Variants in RBFOX1 observed in about 807,000 individuals in gnomAD.
The protein encoded by RBFOX1 is RNA binding protein fox-1 homolog 1.
A neutral mutation model predicts 57.7 loss-of-function variants in RBFOX1; 8 were observed. That is an observed-to-expected ratio of 0.14 (90% CI 0.08 to 0.25). The LOEUF (loss-of-function observed/expected upper bound fraction) is 0.25, where lower values mean the gene tolerates loss of function less well. Ranked by LOEUF, RBFOX1 falls within the 10% of genes least tolerant of loss-of-function variation. The pLI is 1.00. For missense variants in RBFOX1, 611 were observed against 548.5 expected, an observed-to-expected ratio of 1.11 and a Z score of -1.14; for synonymous variants, 326 against 222.4, an observed-to-expected ratio of 1.47 and a Z score of -4.15.
At chr16:6,125,038 A>ATGACATCACCT (rs1338938465) in intron 1 of RBFOX1, among the ~76,000 whole-genome samples, 2 of 152,084 alleles carry the variant, frequency 1.3e-5, no homozygotes, top group African/African-American at 4.8e-5. Context: ...GGGCTGCTGA[A>ATGACATCACCT]TGACATCACC....
At chr16:7,216,663 A>T (rs1258625287) in intron 4 of RBFOX1, among the ~76,000 whole-genome samples, 1 of 133,704 alleles carries the variant, frequency 7.5e-6, no homozygotes, top group Non-Finnish European at 1.7e-5. Context: ...GTCAAAATAA[A>T]ATAAAAATTA....
Position 6,911,295 on chromosome 16 carries a change from G to T in RBFOX1, c.-15-140762G>T, listed in dbSNP as rs575504989. Among the ~76,000 whole-genome samples, 8 of 152,130 alleles carry T rather than the reference G, an allele frequency of 5.3e-5. No homozygotes were observed. The East Asian group carries it at 5.8e-4, about 11-fold the overall frequency. On this transcript the variant is annotated intron_variant, in intron 3 of 15. Coordinates refer to ENST00000550418, the MANE Select transcript of RBFOX1 (RefSeq NM_018723.4). Reference sequence around the variant, plus strand: ...ATAACAAAGTTCCACAAACTAGGAGGCTTCGGCAACAGAAATGTTTTGCCT... The same window carrying T: ...ATAACAAAGTTCCACAAACTAGGAGTCTTCGGCAACAGAAATGTTTTGCCT...
chr16:5,918,094 T>G (rs973388822), intron 4 of RBFOX1, among the ~76,000 whole-genome samples: 1 of 152,190 alleles, frequency 6.6e-6, no homozygotes, highest in African/African-American at 2.4e-5. Flanking sequence ...GCAGTTCTCT[T>G]AACACAACTG....
At chr16:7,292,306 T>A (rs1351320882) in intron 4 of RBFOX1, among the ~76,000 whole-genome samples, 1 of 128,368 alleles carries the variant, frequency 7.8e-6, no homozygotes, top group East Asian at 2.2e-4. Context: ...ATATATGATA[T>A]ATGACGTATT....
At chr16:7,433,610 C>T (rs1023908926) in intron 4 of RBFOX1, among the ~76,000 whole-genome samples, 3 of 152,164 alleles carry the variant, frequency 2.0e-5, no homozygotes, top group South Asian at 4.1e-4. Context: ...ACTGACTTCA[C>T]GTGTTTGAAG....
intron 2 of RBFOX1, among the ~76,000 whole-genome samples, chr16:5,493,172 A>T (rs1023828789): frequency 2.0e-5 from 3 of 152,226 alleles, no homozygotes; most frequent in Non-Finnish European, 4.4e-5. Flanking sequence ...TGAAACTCAG[A>T]TCCCGAAGAC....
At chr16:7,190,753 C>T (rs1046019317) in intron 4 of RBFOX1, among the ~76,000 whole-genome samples, 3 of 152,122 alleles carry the variant, frequency 2.0e-5, no homozygotes, top group African/African-American at 7.2e-5. Flanking sequence ...GTTTGTAGAG[C>T]AAGTTTTTAA....
intron 4 of RBFOX1, among the ~76,000 whole-genome samples, chr16:7,486,551 T>A (rs2065447380): frequency 6.6e-6 from 1 of 152,150 alleles, no homozygotes; most frequent in Admixed American, 6.6e-5. Context: ...AATAACAGCA[T>A]CTCCCCTGTA....
intron 1 of RBFOX1, among the ~76,000 whole-genome samples, chr16:5,421,281 C>G (rs2067318530): frequency 6.6e-6 from 1 of 152,098 alleles, no homozygotes; most frequent in Non-Finnish European, 1.5e-5. Flanking sequence ...TGCTGGGATT[C>G]CAGGCCTGAG....
intron 11 of RBFOX1, among the ~76,000 whole-genome samples, chr16:7,641,652 A>G (rs139548059): frequency 3.7e-4 from 57 of 152,228 alleles, no homozygotes; most frequent in African/African-American, 1.3e-3. Flanking sequence ...CCAGAAGATC[A>G]TTTTTCCTTT....
At chr16:6,119,751 C>T (rs1298888178) in intron 1 of RBFOX1, among the ~76,000 whole-genome samples, 1 of 152,210 alleles carries the variant, frequency 6.6e-6, no homozygotes, top group African/African-American at 2.4e-5. Context: ...AATCCTCCCT[C>T]AGCCTCCTGA....
At chr16:6,006,842 G>A (rs942385319) in intron 4 of RBFOX1, among the ~76,000 whole-genome samples, 3 of 152,224 alleles carry the variant, frequency 2.0e-5, no homozygotes, top group African/African-American at 7.2e-5. Flanking sequence ...GAGGGAATGA[G>A]AGTTTAATTG....
At chr16:7,003,580 G>A (rs1399613548) in intron 3 of RBFOX1, among the ~76,000 whole-genome samples, 1 of 151,996 alleles carries the variant, frequency 6.6e-6, no homozygotes, top group Non-Finnish European at 1.5e-5. Flanking sequence ...GTTGAAACAA[G>A]GTATTAAAAT....
chr16:7,513,383 T>C (rs969645719), intron 4 of RBFOX1, among the ~76,000 whole-genome samples: 1 of 152,220 alleles, frequency 6.6e-6, no homozygotes, highest in African/African-American at 2.4e-5. Context: ...CCCTAACAAC[T>C]ACCTGTGACT....
intron 2 of RBFOX1, among the ~76,000 whole-genome samples, chr16:6,467,579 C>T (rs1212561663): frequency 1.3e-5 from 2 of 152,056 alleles, no homozygotes; most frequent in African/African-American, 2.4e-5. Context: ...ATTAATTTTG[C>T]TCCAAGCTTT....
At chr16:6,478,421 ATATATATATTTTTTTT>A (rs1306588283) in intron 2 of RBFOX1, among the ~76,000 whole-genome samples, 516 of 12,444 alleles carry the variant, frequency 0.041, 25 homozygotes, top group African/African-American at 0.1. Context: ...ATATATATAT[ATATATATATTTTTTTT>A]TTTTTTTTTT....
chr16:5,409,741 C>T (rs56905463), intron 1 of RBFOX1, among the ~76,000 whole-genome samples: 3,450 of 152,130 alleles, frequency 0.023, 151 homozygotes, highest in African/African-American at 0.079. Flanking sequence ...CTAAGTATTC[C>T]AGTCTCTTAA....
rs923186712 is a variant in RBFOX1, at chr16:7,417,004, G to A, written c.28-101143G>A. On this transcript the variant is annotated intron_variant, in intron 4 of 15. Transcript: ENST00000550418. ...GCCCTGAGATTCCAGTGTGGGGCTCGTAAACTTACACTTTGCCTAAATTTT... is the reference window on the plus strand; with the variant it reads ...GCCCTGAGATTCCAGTGTGGGGCTCATAAACTTACACTTTGCCTAAATTTT... 3.3e-5 allele frequency among the ~76,000 whole-genome samples: 5 copies of A among 152,196 alleles called. No homozygotes were observed. The East Asian group carries it at 7.7e-4, about 24-fold the overall frequency.
intron 3 of RBFOX1, among the ~76,000 whole-genome samples, chr16:6,864,913 C>T (rs1287944725): frequency 2.0e-5 from 3 of 150,462 alleles, no homozygotes; most frequent in Non-Finnish European, 4.4e-5. Context: ...TCTCTTTTTG[C>T]TGATAAATCG....
Sources: allele counts gnomAD v4.1 joint callset (sites outside exome capture counted in the v4.1 genomes callset), GRCh38; gene constraint gnomAD v4.1.1; transcripts MANE v1.5; gene names NCBI Gene and HGNC (gene_info 2026-07-23, HGNC 2026-07-21).